The following ERBB4 variants were observed in gnomAD, a reference collection of about 807,000 sequenced individuals.
ERBB4 encodes erb-b2 receptor tyrosine kinase 4.
Under a neutral mutation model 158.0 loss-of-function variants are expected in ERBB4, and 42 were observed. That is an observed-to-expected ratio of 0.27 (90% confidence interval 0.21 to 0.34). ERBB4 has a LOEUF of 0.34. ERBB4 is among the 10% of genes least tolerant of loss of function. The probability of loss-of-function intolerance (pLI) is 1.00; values close to 1 mark genes in which losing one functional copy is unlikely to be tolerated. For missense variants in ERBB4, 1,333 were observed against 1,624.1 expected (o/e 0.82, Z 3.08); for synonymous variants, 583 against 558.7 (o/e 1.04, Z -0.61).
chr2:211,531,759 C>T (rs1443616474), intron 20 of ERBB4, among the ~76,000 whole-genome samples: 2 of 151,910 alleles, frequency 1.3e-5, no homozygotes, highest in East Asian at 1.9e-4. Context: ...GGAGGTTCCT[C>T]AAAAAACTAA....
At chr2:212,353,406 A>C (rs1466160833) in intron 1 of ERBB4, among the ~76,000 whole-genome samples, 1 of 149,426 alleles carries the variant, frequency 6.7e-6, no homozygotes, top group African/African-American at 2.4e-5. Flanking sequence ...ATACAAATAA[A>C]ATTTGTATAA....
At chr2:211,728,206 C>T (rs896587533) in intron 5 of ERBB4, among the ~76,000 whole-genome samples, 4 of 151,700 alleles carry the variant, frequency 2.6e-5, no homozygotes, top group Admixed American at 1.3e-4. Context: ...TTCCTTCCTT[C>T]CTGTATTTTG....
At chr2:211,773,631 TATATATATATATATATAA>T (rs1298650227) in intron 4 of ERBB4, among the ~76,000 whole-genome samples, 44 of 91,222 alleles carry the variant, frequency 4.8e-4, no homozygotes, top group African/African-American at 1.1e-3. Context: ...TATATATATA[TATATATATATATATATAA>T]TATATATACA....
rs1460674864 is a variant in ERBB4, at chr2:211,383,256, A to G, written c.*359T>C. 2 of 299,734 alleles carry G rather than the reference A, an allele frequency of 6.7e-6. No homozygotes were observed. The highest frequency in any genetic ancestry group is 1.3e-5 in the Non-Finnish European group (2 of 157,890). The allele number at this position is 299,734 out of a possible 1,614,324, so 18.6% of individuals were successfully genotyped here. On this transcript the variant is annotated 3_prime_UTR_variant, in exon 28 of 28. Transcript: ENST00000342788. ...ACCATCTGCTTTAAAAAAAAAAAAA[A>G]AAAAGAAGAGGAAGAAAGAAACAAA...
At chr2:211,532,764 A>G (rs758537976) in intron 20 of ERBB4, among the ~76,000 whole-genome samples, 7 of 151,964 alleles carry the variant, frequency 4.6e-5, no homozygotes, top group Non-Finnish European at 7.4e-5. Flanking sequence ...AATGACTGAC[A>G]TTTTGAGTGT....
intron 3 of ERBB4, among the ~76,000 whole-genome samples, chr2:211,905,722 GTGTA>G (rs1265913410): frequency 9.7e-6 from 1 of 103,310 alleles, no homozygotes; most frequent in African/African-American, 3.6e-5. Context: ...ATATATGTGT[GTGTA>G]TGTGTGTGCA....
intron 2 of ERBB4, among the ~76,000 whole-genome samples, chr2:212,074,179 G>A (rs552189199): frequency 1.3e-5 from 2 of 152,022 alleles, no homozygotes; most frequent in East Asian, 1.9e-4. Context: ...TAGCCAATAA[G>A]AACTCTGTAA....
intron 1 of ERBB4, among the ~76,000 whole-genome samples, chr2:212,133,090 T>C (rs938040228): frequency 1.3e-5 from 2 of 152,102 alleles, no homozygotes; most frequent in African/African-American, 2.4e-5. Flanking sequence ...ATCCTGTAAC[T>C]TAAAATTTTT....
chr2:211,675,546 G>A (rs1441604087), intron 13 of ERBB4, among the ~76,000 whole-genome samples: 2 of 151,820 alleles, frequency 1.3e-5, no homozygotes, highest in African/African-American at 4.8e-5. Context: ...CATGTTGACA[G>A]ATATGGGAAG....
intron 25 of ERBB4, among the ~76,000 whole-genome samples, chr2:211,394,752 A>C (rs2062874713): frequency 6.6e-6 from 1 of 152,062 alleles, no homozygotes; most frequent in Non-Finnish European, 1.5e-5. Flanking sequence ...AACCTCATAA[A>C]GAATATCTGA....
intron 1 of ERBB4, among the ~76,000 whole-genome samples, chr2:212,368,445 G>A (rs34416516): frequency 0.026 from 4,016 of 152,154 alleles, 100 homozygotes; most frequent in South Asian, 0.13. Flanking sequence ...AGACAGGGGC[G>A]AGGGATGAAA....
In ERBB4 at chr2:211,620,974, G is replaced by T. The variant is rs1574870053; in HGVS notation, c.2203-1699C>A. Among the ~76,000 whole-genome samples, 3 of 152,148 alleles carry T rather than the reference G, an allele frequency of 2.0e-5. No individual in the cohort carries two copies. The South Asian group carries it at 6.2e-4, about 32-fold the overall frequency. Reference sequence around the variant, plus strand: ...ATAAAAAAATTTAAAAATGAGCTGAGTGTGCTGGCACATGCCTGTGGTCCC... The same window carrying T: ...ATAAAAAAATTTAAAAATGAGCTGATTGTGCTGGCACATGCCTGTGGTCCC... On this transcript the variant is annotated intron_variant, in intron 18 of 27. Transcript: ENST00000342788.
At chr2:211,736,685 G>C (rs924414346) in intron 5 of ERBB4, among the ~76,000 whole-genome samples, 4 of 152,194 alleles carry the variant, frequency 2.6e-5, no homozygotes, top group African/African-American at 9.6e-5. Context: ...CTGCCATAAT[G>C]CCTTATCTTC....
At chr2:212,375,637 C>A (rs925571577) in intron 1 of ERBB4, among the ~76,000 whole-genome samples, 10 of 151,960 alleles carry the variant, frequency 6.6e-5, no homozygotes, top group Non-Finnish European at 1.0e-4. Flanking sequence ...TCAAAAACTT[C>A]ATGGAAAATG....
intron 2 of ERBB4, among the ~76,000 whole-genome samples, chr2:212,088,092 G>A (rs992586630): frequency 2.6e-5 from 4 of 152,070 alleles, no homozygotes; most frequent in Admixed American, 2.6e-4. Flanking sequence ...AGGAACAAGT[G>A]GAAAGTTCAT....
chr2:212,086,048 C>A (rs765869161), intron 2 of ERBB4, among the ~76,000 whole-genome samples: 10 of 151,860 alleles, frequency 6.6e-5, no homozygotes, highest in Non-Finnish European at 1.3e-4. Context: ...GACATGGTTA[C>A]GGTTGGAATT....
intron 20 of ERBB4, among the ~76,000 whole-genome samples, chr2:211,487,605 T>C (rs2065239370): frequency 6.6e-6 from 1 of 152,060 alleles, no homozygotes; most frequent in Non-Finnish European, 1.5e-5. Flanking sequence ...TGCCCCCTTT[T>C]CCAAAACAAT....
At chr2:212,184,336 A>T (rs920591169) in intron 1 of ERBB4, among the ~76,000 whole-genome samples, 21 of 152,040 alleles carry the variant, frequency 1.4e-4, no homozygotes, top group African/African-American at 5.1e-4. Flanking sequence ...AACTGTTATT[A>T]ATCACCCCCT....
At position 212,185,316 on chromosome 2, in the gene ERBB4, C is replaced by T. The variant is rs147391184; in HGVS notation, c.83-60413G>A. On this transcript the variant is annotated intron_variant, in intron 1 of 27. Transcript: ENST00000342788. ...GGATTAGAGGTGTGAACCACCACAC[C>T]CAGCCAACACAGTTATTTGTTCTTG... 9.7e-3 allele frequency among the ~76,000 whole-genome samples: 1,475 copies of T among 151,650 alleles called. 10 individuals are homozygous for T. Among genetic ancestry groups the T allele is most frequent in the Non-Finnish European group, 0.014 (938 of 67,906 alleles).
Sources: gnomAD v4.1 joint callset for allele counts (sites outside exome capture counted in the v4.1 genomes callset) on GRCh38, gnomAD v4.1.1 for gene constraint, MANE v1.5 for transcripts, NCBI Gene and HGNC (gene_info 2026-07-23, HGNC 2026-07-21) for gene names.